Variants in CCDC91 observed in about 807,000 individuals in gnomAD.
CCDC91 encodes coiled-coil domain containing 91.
In CCDC91, 48 loss-of-function variants were observed where a neutral mutation model predicts 63.2. The observed-to-expected ratio is 0.76, with a 90% confidence interval of 0.60 to 0.97. The LOEUF (loss-of-function observed/expected upper bound fraction) is 0.97, where lower values mean the gene tolerates loss of function less well. Among genes scored for constraint, CCDC91 ranks in the 50% least tolerant of loss-of-function variants. CCDC91 has a pLI of 0.00. For synonymous variants in CCDC91, 167 were observed against 165.8 expected, an observed-to-expected ratio of 1.01 and a Z score of -0.06; for missense variants, 500 against 494.6, an observed-to-expected ratio of 1.01 and a Z score of -0.10.
intron 6 of CCDC91, among the ~76,000 whole-genome samples, chr12:28,321,483 G>A (rs1360313256): frequency 2.0e-5 from 3 of 151,820 alleles, no homozygotes; most frequent in Non-Finnish European, 2.9e-5. Context: ...CCTAAAATTC[G>A]TACATTGATG....
intron 1 of CCDC91, among the ~76,000 whole-genome samples, chr12:28,251,831 C>T (rs578141800): frequency 1.3e-5 from 2 of 152,212 alleles, no homozygotes; most frequent in East Asian, 3.9e-4. Context: ...TCTCTTCTTG[C>T]TTCATAGGTA....
At chr12:28,504,087 A>G (rs1938383625) in intron 12 of CCDC91, among the ~76,000 whole-genome samples, 1 of 151,542 alleles carries the variant, frequency 6.6e-6, no homozygotes, top group Non-Finnish European at 1.5e-5. Context: ...AAGTGTAAAA[A>G]TAATAAAATA....
chr12:28,401,037 G>C (rs1173352835), intron 8 of CCDC91, among the ~76,000 whole-genome samples: 1 of 151,992 alleles, frequency 6.6e-6, no homozygotes, highest in Non-Finnish European at 1.5e-5. Context: ...CTCTCCAAAT[G>C]GTTCCAATCT....
chr12:28,422,970 G>A (rs576126406), intron 8 of CCDC91, among the ~76,000 whole-genome samples: 2 of 149,144 alleles, frequency 1.3e-5, no homozygotes, highest in East Asian at 3.9e-4. Flanking sequence ...GTTGTTGGTG[G>A]TTGTTGTTGT....
At chr12:28,351,243 G>A (rs1943160623) in intron 6 of CCDC91, among the ~76,000 whole-genome samples, 1 of 152,190 alleles carries the variant, frequency 6.6e-6, no homozygotes, top group African/African-American at 2.4e-5. Flanking sequence ...GTAGACCTGT[G>A]AAACTAGAAA....
At chr12:28,507,837 C>A (rs948008107) in intron 12 of CCDC91, among the ~76,000 whole-genome samples, 1 of 151,932 alleles carries the variant, frequency 6.6e-6, no homozygotes, top group Non-Finnish European at 1.5e-5. Context: ...CAGCACCTAT[C>A]GGGGTGGAGG....
At position 28,546,734 on chromosome 12, in the gene CCDC91, C is replaced by T. The variant is rs138938636; in HGVS notation, c.1216-2329C>T. ...TAACTATAAAATGAAAACTATGCAA[C>T]GGTTTAAAAGGAAAAAAAAACAAGA... On this transcript the variant is annotated intron_variant, in intron 12 of 12. Transcript: ENST00000536442. Among the ~76,000 whole-genome samples, 282 of 151,638 alleles carry T rather than the reference C, an allele frequency of 1.9e-3. 1 individual carries two copies. The highest frequency in any genetic ancestry group is 5.3e-3 in the African/African-American group (220 of 41,380).
chr12:28,338,306 C>A (rs574690973), intron 6 of CCDC91, among the ~76,000 whole-genome samples: 29 of 142,480 alleles, frequency 2.0e-4, no homozygotes, highest in Non-Finnish European at 4.3e-4. Context: ...CCTAAACTCA[C>A]CCCCATAGTG....
At position 28,529,976 on chromosome 12, in the gene CCDC91, C is replaced by T. The variant is rs189897647; in HGVS notation, c.1216-19087C>T. ...TCAGATGAACTGGAGATAGCATTAA[C>T]ACCCTCAGGAAATGAAAAATGCTAA... On this transcript the variant is annotated intron_variant, in intron 12 of 12. Coordinates refer to ENST00000536442, the MANE Select transcript of CCDC91 (RefSeq NM_018318.5). 2.6e-5 allele frequency among the ~76,000 whole-genome samples: 4 copies of T among 152,264 alleles called. No homozygotes were observed. The East Asian group carries it at 7.7e-4, about 29-fold the overall frequency.
At chr12:28,526,436 A>G (rs139427108) in intron 12 of CCDC91, among the ~76,000 whole-genome samples, 105 of 152,206 alleles carry the variant, frequency 6.9e-4, no homozygotes, top group African/African-American at 2.5e-3. Context: ...TAGGGCCCCA[A>G]TCCTTCTAGC....
At chr12:28,347,307 T>C (rs1214629458) in intron 6 of CCDC91, among the ~76,000 whole-genome samples, 1 of 152,208 alleles carries the variant, frequency 6.6e-6, no homozygotes, top group Non-Finnish European at 1.5e-5. Flanking sequence ...TGAGACTCTT[T>C]AGAGTTGTTA....
intron 1 of CCDC91, among the ~76,000 whole-genome samples, chr12:28,246,822 C>T (rs1171493020): frequency 6.6e-6 from 1 of 151,994 alleles, no homozygotes. Flanking sequence ...TGTAAAGTGT[C>T]AAGTGAAAAG....
Position 28,267,905 on chromosome 12 carries a change from T to TATATA in CCDC91, c.109+8465_109+8466insATAAT, listed in dbSNP as rs1555170621. Among the ~76,000 whole-genome samples the TATATA allele has an allele frequency of 1.3e-4, 7 of 55,736 alleles. 1 individual carries two copies. Among genetic ancestry groups the TATATA allele is most frequent in the African/African-American group, 3.1e-4 (6 of 19,096 alleles). The allele number at this position is 55,736 out of a possible 152,430, so 36.6% of individuals were successfully genotyped here. A position where few individuals can be genotyped will look rare whatever the true frequency, so the allele number is the denominator to read the frequency against. ...TAATTATTATAATTATATATAATTA[T>TATATA]ATTATATATAATTATTATAATTATA... On this transcript the variant is annotated intron_variant, in intron 3 of 12. Coordinates refer to ENST00000536442, the MANE Select transcript of CCDC91 (RefSeq NM_018318.5).
intron 1 of CCDC91, among the ~76,000 whole-genome samples, chr12:28,218,399 A>G (rs1287214960): frequency 6.6e-6 from 1 of 152,130 alleles, no homozygotes; most frequent in Admixed American, 6.6e-5. Context: ...TTTAAAAATC[A>G]TTTTAAATTT....
At chr12:28,462,755 T>TA (rs1444607886) in intron 11 of CCDC91, among the ~76,000 whole-genome samples, 1 of 152,144 alleles carries the variant, frequency 6.6e-6, no homozygotes, top group Non-Finnish European at 1.5e-5. Context: ...GATAGACAAG[T>TA]AAACTGATTA....
At chr12:28,444,291 C>T (rs748851178) in intron 8 of CCDC91, among the ~76,000 whole-genome samples, 4 of 152,046 alleles carry the variant, frequency 2.6e-5, no homozygotes, top group African/African-American at 9.7e-5. Context: ...GGCATAGTTA[C>T]GATAATTTAG....
intron 3 of CCDC91, among the ~76,000 whole-genome samples, chr12:28,280,208 A>G (rs560373415): frequency 1.3e-5 from 2 of 152,178 alleles, no homozygotes; most frequent in East Asian, 1.9e-4. Flanking sequence ...TGATAATACT[A>G]TAAGATTTTA....
intron 3 of CCDC91, among the ~76,000 whole-genome samples, chr12:28,279,745 A>G (rs1347885669): frequency 6.6e-6 from 1 of 151,798 alleles, no homozygotes; most frequent in Admixed American, 6.6e-5. Context: ...GTACTAGCAC[A>G]TTATAAGTTT....
intron 11 of CCDC91, among the ~76,000 whole-genome samples, chr12:28,452,999 C>T (rs1949887919): frequency 1.3e-5 from 2 of 151,820 alleles, no homozygotes; most frequent in Admixed American, 1.3e-4. Context: ...CGCACACATG[C>T]ACACAGACTC....
Sources: allele counts gnomAD v4.1 joint callset (sites outside exome capture counted in the v4.1 genomes callset), GRCh38; gene constraint gnomAD v4.1.1; transcripts MANE v1.5; gene names NCBI Gene and HGNC (gene_info 2026-07-23, HGNC 2026-07-21).